CALML4: variants seen among roughly 807,000 people sequenced by gnomAD.
CALML4 encodes calmodulin-like protein 4.
In CALML4, 16 loss-of-function variants were observed where a neutral mutation model predicts 17.9. The ratio of observed to expected loss-of-function variants is 0.89; its 90% CI spans 0.61 to 1.36. The LOEUF (loss-of-function observed/expected upper bound fraction) is 1.36, where lower values mean the gene tolerates loss of function less well. Among genes scored for constraint, CALML4 ranks in the 40% most tolerant of loss-of-function variants. The pLI, the probability that CALML4 is intolerant of heterozygous loss-of-function variation, is 0.00. For synonymous variants in CALML4, 86 were observed against 71.5 expected, an observed-to-expected ratio of 1.20 and a Z score of -1.02; for missense variants, 203 against 194.8, an observed-to-expected ratio of 1.04 and a Z score of -0.25.
In CALML4 at chr15:68,204,865, G is replaced by A. The variant is rs1411514652; in HGVS notation, c.34+256C>T. 3.9e-5 allele frequency among the ~76,000 whole-genome samples: 6 copies of A among 152,104 alleles called. No individual in the cohort carries two copies. The East Asian group carries it at 1.2e-3, about 29-fold the overall frequency. On this transcript the variant is annotated intron_variant, in intron 2 of 4. Coordinates refer to ENST00000467889, the MANE Select transcript of CALML4 (RefSeq NM_033429.3). The surrounding 1 kb of genome is among the most constrained non-coding windows in gnomAD (Gnocchi z 6.0). ...CAAATCCAACTGGTCAGGTTCTGGA[G>A]GGAAACCTAGTAAGTTCTGTCTTAG...
At chr15:68,202,825 T>TTTTTG in intron 2 of CALML4, among the ~76,000 whole-genome samples, 1 of 145,548 alleles carries the variant, frequency 6.9e-6, no homozygotes, top group African/African-American at 2.6e-5. Flanking sequence ...TTTTTTTTTT[T>TTTTTG]TTTTTTGAGA....
chr15:68,195,681 T>C (rs967019574), intron 4 of CALML4, among the ~76,000 whole-genome samples: 1 of 152,120 alleles, frequency 6.6e-6, no homozygotes, highest in Non-Finnish European at 1.5e-5. Flanking sequence ...AAACTGAAAA[T>C]TGTCTTTCGA....
At position 68,200,607 on chromosome 15, in the gene CALML4, A is replaced by T. The variant is rs1238735835; in HGVS notation, c.35-926T>A. 6.6e-6 allele frequency among the ~76,000 whole-genome samples: 1 copy of T among 152,184 alleles called. No homozygotes were observed. The highest frequency in any genetic ancestry group is 1.5e-5 in the Non-Finnish European group (1 of 68,028). On this transcript the variant is annotated intron_variant, in intron 2 of 4. Coordinates refer to ENST00000467889, the MANE Select transcript of CALML4 (RefSeq NM_033429.3). The surrounding 1 kb of genome is among the most constrained non-coding windows in gnomAD (Gnocchi z 4.3). The stretch of plus-strand genomic sequence containing the variant: ...TTTAGGGGTAGGTGGGGCTGCCATC[A>T]GGACAGGGAGATTCTCGTCCAGCCC...
Position 68,193,955 on chromosome 15 carries a change from TAA to T in CALML4, c.*58_*59del. On this transcript the variant is annotated 3_prime_UTR_variant, in exon 5 of 5. Coordinates refer to ENST00000467889, the MANE Select transcript of CALML4 (RefSeq NM_033429.3). ...TCTCCCAAGTGAAAAGAACACTTTT[TAA>T]AAAAAATTAATTGCTCCAAGTTTTC... 2 of 1,283,634 alleles carry T rather than the reference TAA, an allele frequency of 1.6e-6. No individual in the cohort carries two copies. Among genetic ancestry groups the T allele is most frequent in the African/African-American group, 1.5e-5 (1 of 67,448 alleles). The allele number at this position is 1,283,634 out of a possible 1,614,324, so 79.5% of individuals were successfully genotyped here.
At chr15:68,196,324 G>C (rs927563106) in intron 4 of CALML4, among the ~76,000 whole-genome samples, 2 of 152,210 alleles carry the variant, frequency 1.3e-5, no homozygotes, top group Non-Finnish European at 2.9e-5. Context: ...TAGAGTGGTA[G>C]CTCAGAGGGA....
chr15:68,197,390 C>G lies in CALML4; in HGVS notation c.364+50G>C. The G allele has an allele frequency of 6.4e-7, 1 of 1,573,308 alleles. No homozygotes were observed. Among genetic ancestry groups the G allele is most frequent in the Non-Finnish European group, 8.6e-7 (1 of 1,157,848 alleles). ...CAGCTAGGCTTTGGTGCCCTCCTTC[C>G]AACTCCCTAACCCCCTCCAACTGTT... On this transcript the variant is annotated intron_variant, in intron 4 of 4. Transcript: ENST00000467889. The surrounding 1 kb of genome is among the most constrained non-coding windows in gnomAD (Gnocchi z 4.1).
rs1389725182 is a variant in CALML4, at chr15:68,204,407, G to T, written c.34+714C>A. Among the ~76,000 whole-genome samples, 1 of 152,140 alleles carries T rather than the reference G, an allele frequency of 6.6e-6. No individual in the cohort carries two copies. Among genetic ancestry groups the T allele is most frequent in the Non-Finnish European group, 1.5e-5 (1 of 68,018 alleles). On this transcript the variant is annotated intron_variant, in intron 2 of 4. Coordinates refer to ENST00000467889, the MANE Select transcript of CALML4 (RefSeq NM_033429.3). The surrounding 1 kb of genome is among the most constrained non-coding windows in gnomAD (Gnocchi z 6.0). ...CGTCCACTGTTGGGACAGGTTTCAG[G>T]GTCACAACCTCAAGCAGCAGCTGGC...
At chr15:68,194,806 C>T (rs1025275299) in intron 4 of CALML4, among the ~76,000 whole-genome samples, 3 of 152,106 alleles carry the variant, frequency 2.0e-5, no homozygotes, top group African/African-American at 7.2e-5. Context: ...CGAACATCCT[C>T]CACAGTCCCA....
rs954833190 is a variant in CALML4 at position 68,200,889 on chromosome 15, G to A, written c.35-1208C>T. The stretch of plus-strand genomic sequence containing the variant: ...TGCGCCCCCTCATATTCCCATGTGC[G>A]GACAGGACATTGAGGGCTGGAACAC... On this transcript the variant is annotated intron_variant, in intron 2 of 4. Transcript: ENST00000467889. The surrounding 1 kb of genome is among the most constrained non-coding windows in gnomAD (Gnocchi z 4.3). Among the ~76,000 whole-genome samples, 11 of 152,114 alleles carry A rather than the reference G, an allele frequency of 7.2e-5. No homozygotes were observed. Among genetic ancestry groups the A allele is most frequent in the African/African-American group, 1.7e-4 (7 of 41,424 alleles).
rs527354008 is a variant in CALML4, at chr15:68,200,468, CCA to C, written c.35-789_35-788del. Among the ~76,000 whole-genome samples, 28 of 152,356 alleles carry C rather than the reference CCA, an allele frequency of 1.8e-4. No individual in the cohort carries two copies. The South Asian group carries it at 4.8e-3, about 26-fold the overall frequency. On this transcript the variant is annotated intron_variant, in intron 2 of 4. Coordinates refer to ENST00000467889, the MANE Select transcript of CALML4 (RefSeq NM_033429.3). The surrounding 1 kb of genome is among the most constrained non-coding windows in gnomAD (Gnocchi z 4.3). ...GCAGCCGGAGCTAGCTCCCCTAAAC[CCA>C]CAGACTCCCGGCCTGACACAGCCAT...
upstream of CALML4, chr15:68,205,431 AT>A: frequency 6.2e-7 from 1 of 1,606,450 alleles, no homozygotes; most frequent in Admixed American, 1.7e-5. The surrounding 1 kb of genome is among the most constrained non-coding windows in gnomAD (Gnocchi z 4.8). Flanking sequence ...AGCACAGCTC[AT>A]GACCCGCCAC....
In CALML4 at chr15:68,197,401, C is replaced by G; in HGVS notation, c.364+39G>C. ...TGGTGCCCTCCTTCCAACTCCCTAA[C>G]CCCCTCCAACTGTTGGGAGACAGGA... On this transcript the variant is annotated intron_variant, in intron 4 of 4. Transcript: ENST00000467889. This position sits in a 1 kb window ranked among gnomAD's most constrained non-coding sequence, Gnocchi z 4.1. 1 of 1,595,582 alleles carries G rather than the reference C, an allele frequency of 6.3e-7. No homozygotes were observed. Among genetic ancestry groups the G allele is most frequent in the Non-Finnish European group, 8.5e-7 (1 of 1,169,784 alleles).
At chr15:68,203,694 G>T (rs2093172883) in intron 2 of CALML4, among the ~76,000 whole-genome samples, 1 of 152,164 alleles carries the variant, frequency 6.6e-6, no homozygotes, top group African/African-American at 2.4e-5. Context: ...TCTGTCCGTG[G>T]CTCGCAGCAG....
intron 2 of CALML4, 71 bp from the exon 3 acceptor site, chr15:68,199,752 A>AC: frequency 6.6e-7 from 1 of 1,514,446 alleles, no homozygotes; most frequent in Non-Finnish European, 9.0e-7. Context: ...CCCCATCCTT[A>AC]GTCTCTTCTC....
chr15:68,197,335 C>T lies in CALML4; in HGVS notation c.364+105G>A. 9.1e-7 allele frequency: 1 copy of T among 1,095,034 alleles called. No individual in the cohort carries two copies. Among genetic ancestry groups the T allele is most frequent in the South Asian group, 1.5e-5 (1 of 65,794 alleles). The allele number at this position is 1,095,034 out of a possible 1,614,324, so 67.8% of individuals were successfully genotyped here. ...TCACAGTCTCCTGCGCGCGCATCAA[C>T]AGAGGTGGTCTGTACCACCCTGGTG... On this transcript the variant is annotated intron_variant, in intron 4 of 4. Coordinates refer to ENST00000467889, the MANE Select transcript of CALML4 (RefSeq NM_033429.3). The surrounding 1 kb of genome is among the most constrained non-coding windows in gnomAD (Gnocchi z 4.1).
rs1165477536 is a variant in CALML4, at chr15:68,197,244, C to T, written c.364+196G>A. Among the ~76,000 whole-genome samples, 7 of 152,146 alleles carry T rather than the reference C, an allele frequency of 4.6e-5. No homozygotes were observed. The highest frequency in any genetic ancestry group is 1.3e-4 in the Admixed American group (2 of 15,280). On this transcript the variant is annotated intron_variant, in intron 4 of 4. Coordinates refer to ENST00000467889, the MANE Select transcript of CALML4 (RefSeq NM_033429.3). This position sits in a 1 kb window ranked among gnomAD's most constrained non-coding sequence, Gnocchi z 4.1. ...CCCTTCACCCTGGCAGACCTCCCTG[C>T]GCCCTTCCAGCCCCTCTAGTTCTTC...
upstream of CALML4, chr15:68,205,536 T>C: frequency 1.2e-6 from 1 of 836,288 alleles, no homozygotes; most frequent in East Asian, 2.7e-5. The surrounding 1 kb of genome is among the most constrained non-coding windows in gnomAD (Gnocchi z 4.8). Context: ...AAGGGACAAA[T>C]GCCAGTGTTT....
In CALML4 at chr15:68,192,162, T is replaced by G. The variant is rs1468047974; in HGVS notation, c.*1853A>C. ...AATCTTTGGTATTCCAGGTTGGCTGTGCAGGATTTACTTCCTAATGTCCAT... is the reference window on the plus strand; with the variant it reads ...AATCTTTGGTATTCCAGGTTGGCTGGGCAGGATTTACTTCCTAATGTCCAT... On this transcript the variant is annotated 3_prime_UTR_variant, in exon 5 of 5. Coordinates refer to ENST00000467889, the MANE Select transcript of CALML4 (RefSeq NM_033429.3). 1 of 152,188 alleles carries G rather than the reference T, an allele frequency of 6.6e-6. No homozygotes were observed. The highest frequency in any genetic ancestry group is 1.5e-5 in the Non-Finnish European group (1 of 68,036). The allele number at this position is 152,188 out of a possible 1,614,324, so 9.4% of individuals were successfully genotyped here.
chr15:68,199,748 C>T (rs2093159199), intron 2 of CALML4, 67 bp from the exon 3 acceptor site: 4 of 1,527,812 alleles, frequency 2.6e-6, no homozygotes, highest in Non-Finnish European at 2.7e-6. Flanking sequence ...CCCTCCCCAT[C>T]CTTAGTCTCT....
Sources: gnomAD v4.1 joint callset for allele counts (sites outside exome capture counted in the v4.1 genomes callset) on GRCh38, gnomAD v4.1.1 for gene constraint, Gnocchi (gnomAD v3.1) non-coding constraint, MANE v1.5 for transcripts, NCBI Gene and HGNC (gene_info 2026-07-23, HGNC 2026-07-21) for gene names.